DAO: variants seen among roughly 807,000 people sequenced by gnomAD.
DAO encodes D-amino-acid oxidase.
In DAO, 51 loss-of-function variants were observed where a neutral mutation model predicts 50.1. That is an observed-to-expected ratio of 1.02 (90% confidence interval 0.81 to 1.29). The LOEUF (loss-of-function observed/expected upper bound fraction) is 1.29. Among genes scored for constraint, DAO ranks in the 50% most tolerant of loss-of-function variants. The probability of loss-of-function intolerance (pLI) is 0.00; values close to 1 mark genes in which losing one functional copy is unlikely to be tolerated. For missense variants in DAO, 436 were observed against 439.4 expected (o/e 0.99, Z 0.07); for synonymous variants, 160 against 166.2 (o/e 0.96, Z 0.29).
chr12:108,896,163 C>T (rs1250264720), intron 7 of DAO, among the ~76,000 whole-genome samples: 1 of 151,968 alleles, frequency 6.6e-6, no homozygotes, highest in Non-Finnish European at 1.5e-5. Flanking sequence ...GTGACTCACA[C>T]CTGTAATCCC....
At chr12:108,882,251 G>A (rs145430448) in intron 1 of DAO, among the ~76,000 whole-genome samples, 3 of 152,170 alleles carry the variant, frequency 2.0e-5, no homozygotes, top group Non-Finnish European at 2.9e-5. Flanking sequence ...GGTGGCTCAC[G>A]CCTGTAATCC....
At chr12:108,889,376 C>T (rs1035325269) in intron 3 of DAO, 93 bp from the exon 4 acceptor site, 3 of 819,198 alleles carry the variant, frequency 3.7e-6, no homozygotes, top group Non-Finnish European at 2.1e-6. Context: ...TCCCAAAGTG[C>T]TGGGATTACA....
At position 108,894,251 on chromosome 12, in the gene DAO, G is replaced by T; in HGVS notation, c.508-12G>T. The T allele has an allele frequency of 6.2e-7, 1 of 1,608,628 alleles. No homozygotes were observed. The highest frequency in any genetic ancestry group is 8.5e-7 in the Non-Finnish European group (1 of 1,175,540). ...ACCTTTCATCCCCCACTACCCTGTT[G>T]GTTGCTACCAGGTGGCAAGAGAAGG... On this transcript the variant is annotated splice_polypyrimidine_tract_variant and intron_variant, in intron 6 of 10. Coordinates refer to ENST00000228476, the MANE Select transcript of DAO (RefSeq NM_001917.5).
rs771014745 is a variant in DAO at position 108,899,428 on chromosome 12, A to G, written c.865A>G (p.Ile289Val). ...RTGFRPVRPQ[I>V]RLEREQLRTG... is the part of the protein sequence containing the mutation. Reference sequence around the variant, plus strand: ...TGGCTTCCGGCCAGTACGCCCCCAGATTCGGCTAGAAAGAGAACAGCTTCG... The same window carrying G: ...TGGCTTCCGGCCAGTACGCCCCCAGGTTCGGCTAGAAAGAGAACAGCTTCG... The change falls in exon 10 of 11, where the codon ATT becomes GTT. Residue 289 changes from isoleucine (I) to valine (V), a missense_variant. Ile to Val is a conservative substitution (Grantham distance 29). Transcript: ENST00000228476. 6.2e-7 allele frequency: 1 copy of G among 1,613,960 alleles called. No individual in the cohort carries two copies. Among genetic ancestry groups the G allele is most frequent in the Non-Finnish European group, 8.5e-7 (1 of 1,179,952 alleles).
Position 108,900,675 on chromosome 12 carries a change from T to C in DAO, c.*140T>C. 3 of 1,281,000 alleles carry C rather than the reference T, an allele frequency of 2.3e-6. No individual in the cohort carries two copies. Among genetic ancestry groups the C allele is most frequent in the East Asian group, 2.6e-5 (1 of 38,518 alleles). 79.4% of individuals were successfully genotyped at this position (1,281,000 alleles called of 1,614,324 possible). ...CATGAGGTGAGAGAAAGCCACAAAG[T>C]CAGTGCCTGGAGAAGGGTTCAGCCC... On this transcript the variant is annotated 3_prime_UTR_variant, in exon 11 of 11. Transcript: ENST00000228476.
chr12:108,899,285 T>C, intron 9 of DAO, 92 bp from the exon 10 acceptor site: 1 of 801,442 alleles, frequency 1.2e-6, no homozygotes, highest in Non-Finnish European at 2.1e-6. Context: ...GTGGTGGTGG[T>C]GATGAGATTC....
At chr12:108,889,082 A>G (rs1207424338) in intron 3 of DAO, among the ~76,000 whole-genome samples, 1 of 151,520 alleles carries the variant, frequency 6.6e-6, no homozygotes, top group Non-Finnish European at 1.5e-5. Context: ...ATATGCACTT[A>G]GCATTACATA....
At chr12:108,886,573 C>T (rs1365419351) in intron 2 of DAO, among the ~76,000 whole-genome samples, 1 of 152,246 alleles carries the variant, frequency 6.6e-6, no homozygotes, top group Non-Finnish European at 1.5e-5. Context: ...TCAAGTGATC[C>T]TCCCACCTCA....
Position 108,890,117 on chromosome 12 carries a change from G to A in DAO, c.387-91G>A, listed in dbSNP as rs1334025225. ...CCTGGCACTACCCTTTGGGCCCACA[G>A]AACAACATTGCTCCCACCTCCATTT... On this transcript the variant is annotated intron_variant, in intron 4 of 10. Transcript: ENST00000228476. 8 of 1,138,020 alleles carry A rather than the reference G, an allele frequency of 7.0e-6. No individual in the cohort carries two copies. In the Admixed American group the frequency reaches 1.4e-4, roughly 20 times the overall value. 70.5% of individuals were successfully genotyped at this position (1,138,020 alleles called of 1,614,324 possible).
intron 2 of DAO, among the ~76,000 whole-genome samples, chr12:108,885,607 G>GA (rs1385900932): frequency 6.6e-6 from 1 of 151,912 alleles, no homozygotes; most frequent in African/African-American, 2.4e-5. Flanking sequence ...GTTTCAAAAA[G>GA]AAAAAAATAA....
chr12:108,898,658 AC>A lies in DAO; in HGVS notation c.696-18del. ...GAGCCTTCATTTTCCTTCATCCTTG[AC>A]CCTCCTCATTTGTATCTAGGACCCA... On this transcript the variant is annotated intron_variant, in intron 8 of 10. Coordinates refer to ENST00000228476, the MANE Select transcript of DAO (RefSeq NM_001917.5). 6.6e-7 allele frequency: 1 copy of A among 1,514,710 alleles called. No homozygotes were observed. Among genetic ancestry groups the A allele is most frequent in the Non-Finnish European group, 9.2e-7 (1 of 1,089,658 alleles). 93.8% of individuals were successfully genotyped at this position (1,514,710 alleles called of 1,614,324 possible). A position where few individuals can be genotyped will look rare whatever the true frequency, so the allele number is the denominator to read the frequency against.
At chr12:108,891,439 G>C (rs534594234) in intron 5 of DAO, among the ~76,000 whole-genome samples, 3 of 136,116 alleles carry the variant, frequency 2.2e-5, no homozygotes, top group African/African-American at 8.7e-5. Context: ...GACAGGGCGA[G>C]ACCCTGTCTC....
In DAO at chr12:108,894,272, GAAGGC is replaced by G. The variant is rs2039522795; in HGVS notation, c.518_522del (p.Glu173GlyfsTer44). The G allele has an allele frequency of 3.1e-6, 5 of 1,613,756 alleles. No individual in the cohort carries two copies. The highest frequency in any genetic ancestry group is 4.2e-6 in the Non-Finnish European group (5 of 1,179,910). Reference sequence around the variant, plus strand: ...TGTTGGTTGCTACCAGGTGGCAAGAGAAGGCGCAGACGTGATTGTCAACTGCACTG... The same window carrying G: ...TGTTGGTTGCTACCAGGTGGCAAGAGGCAGACGTGATTGTCAACTGCACTG... On this transcript the variant is annotated frameshift_variant, in exon 7 of 11. Transcript: ENST00000228476. LOFTEE classifies it high-confidence loss of function.
chr12:108,889,096 C>T (rs932736287), intron 3 of DAO, among the ~76,000 whole-genome samples: 1 of 146,344 alleles, frequency 6.8e-6, no homozygotes, highest in Non-Finnish European at 1.5e-5. Context: ...TTACATAAGT[C>T]TCTGTCATTA....
In DAO at chr12:108,893,014, G is replaced by A. The variant is rs775565169; in HGVS notation, c.485G>A (p.Arg162Gln). 1.6e-5 allele frequency: 26 copies of A among 1,613,922 alleles called. No homozygotes were observed. The highest frequency in any genetic ancestry group is 4.0e-5 in the African/African-American group (3 of 74,920). Residue 162 changes from arginine (R) to glutamine (Q), a missense_variant, in exon 6 of 11, where the codon CGG becomes CAG. Transcript: ENST00000228476. ...LTERGVKFFQ[R>Q]KVESFEEVAR... ...GAGAGGGGAGTGAAGTTCTTCCAGC[G>A]GAAAGTGGAGTCTTTTGAGGAGGTG... is the stretch of plus-strand genomic sequence containing the variant.
intron 1 of DAO, among the ~76,000 whole-genome samples, chr12:108,882,914 G>A (rs747879354): frequency 1.6e-4 from 25 of 152,154 alleles, no homozygotes; most frequent in Non-Finnish European, 3.2e-4. Flanking sequence ...TTGGGAGGCT[G>A]AGGGGGGAGG....
chr12:108,891,778 T>G lies in DAO; in HGVS notation c.453-1204T>G, dbSNP rs116002569. ...AATGCCTATCTAATTTTTAAATATT[T>G]TTGTAGAGATAGGGTCTCACTATGT... is the stretch of plus-strand genomic sequence containing the variant. On this transcript the variant is annotated intron_variant, in intron 5 of 10. Transcript: ENST00000228476. Among the ~76,000 whole-genome samples, 995 of 152,146 alleles carry G rather than the reference T, an allele frequency of 6.5e-3. 15 individuals are homozygous for G. Among genetic ancestry groups the G allele is most frequent in the African/African-American group, 0.023 (947 of 41,514 alleles).
At chr12:108,889,855 C>A (rs2039472051) in intron 4 of DAO, among the ~76,000 whole-genome samples, 1 of 152,114 alleles carries the variant, frequency 6.6e-6, no homozygotes, top group South Asian at 2.1e-4. Context: ...GCCAAGTGGC[C>A]AAACTGGGAT....
rs369285838 is a variant in DAO at position 108,895,329 on chromosome 12, G to A, written c.612+962G>A. ...TGTGTGTGCATGTGTGAGGGTGTGT[G>A]TGCATGTGTGAGGGTGTGTGTGCAT... On this transcript the variant is annotated intron_variant, in intron 7 of 10. Coordinates refer to ENST00000228476, the MANE Select transcript of DAO (RefSeq NM_001917.5). Among the ~76,000 whole-genome samples, 1,100 of 151,688 alleles carry A rather than the reference G, an allele frequency of 7.3e-3. 16 individuals are homozygous for A. Among genetic ancestry groups the A allele is most frequent in the East Asian group, 0.058 (300 of 5,136 alleles).
Sources: allele counts gnomAD v4.1 joint callset (sites outside exome capture counted in the v4.1 genomes callset), GRCh38; gene constraint gnomAD v4.1.1; transcripts MANE v1.5; gene names NCBI Gene and HGNC (gene_info 2026-07-23, HGNC 2026-07-21).